PARD3B: variants seen among roughly 807,000 people sequenced by gnomAD.
The protein encoded by PARD3B is partitioning defective 3 homolog B.
In PARD3B, 103 loss-of-function variants were observed where a neutral mutation model predicts 130.2. The observed-to-expected ratio is 0.79, with a 90% CI of 0.67 to 0.93. PARD3B has a LOEUF of 0.93. Ranked by LOEUF, PARD3B falls within the 40% of genes least tolerant of loss-of-function variation. PARD3B has a pLI of 0.00. For synonymous variants in PARD3B, 583 were observed against 553.2 expected, an observed-to-expected ratio of 1.05 and a Z score of -0.76; for missense variants, 1,609 against 1,499.2, an observed-to-expected ratio of 1.07 and a Z score of -1.21.
intron 1 of PARD3B, among the ~76,000 whole-genome samples, chr2:204,683,894 C>G (rs1559056964): frequency 1.3e-5 from 2 of 152,104 alleles, no homozygotes; most frequent in Non-Finnish European, 2.9e-5. Flanking sequence ...TAGTTCTGAG[C>G]TCTTTTGAAT....
chr2:204,855,267 G>A (rs537172902), intron 2 of PARD3B, among the ~76,000 whole-genome samples: 48 of 152,014 alleles, frequency 3.2e-4, no homozygotes, highest in Non-Finnish European at 6.8e-4. Context: ...CATATCTGCC[G>A]GGCGTGGTGG....
At chr2:205,479,895 A>ATTTTTT (rs71032475) in intron 20 of PARD3B, among the ~76,000 whole-genome samples, 9 of 127,882 alleles carry the variant, frequency 7.0e-5, no homozygotes, top group East Asian at 4.9e-4. Context: ...GCCATATGCA[A>ATTTTTT]TTTTTTTTTT....
At chr2:205,594,515 G>A (rs970710342) in intron 22 of PARD3B, among the ~76,000 whole-genome samples, 1 of 152,092 alleles carries the variant, frequency 6.6e-6, no homozygotes, top group African/African-American at 2.4e-5. Context: ...AACCCAAATA[G>A]CTATAGGGGC....
intron 20 of PARD3B, among the ~76,000 whole-genome samples, chr2:205,445,448 A>G (rs554833766): frequency 2.6e-5 from 4 of 152,284 alleles, no homozygotes; most frequent in South Asian, 2.1e-4. Flanking sequence ...CAAACTTTCA[A>G]TCGTGGCAGA....
chr2:205,155,602 A>G (rs1481110970), intron 10 of PARD3B, among the ~76,000 whole-genome samples: 5 of 152,178 alleles, frequency 3.3e-5, no homozygotes, highest in Admixed American at 2.6e-4. Flanking sequence ...TCCACATCAT[A>G]GTTTATCTAT....
At position 205,380,523 on chromosome 2, in the gene PARD3B, A is replaced by ATATATACAG. The variant is rs2045321373; in HGVS notation, c.2631-20484_2631-20483insCAGTATATA. Among the ~76,000 whole-genome samples, 3 of 2,072 alleles carry ATATATACAG rather than the reference A, an allele frequency of 1.4e-3. 1 individual carries two copies. Among genetic ancestry groups the ATATATACAG allele is most frequent in the African/African-American group, 9.3e-3 (3 of 322 alleles). 1.4% of individuals were successfully genotyped at this position (2,072 alleles called of 152,430 possible). On this transcript the variant is annotated intron_variant, in intron 18 of 22. Transcript: ENST00000406610. ...ATATATTATATATAATATATAAAGA[A>ATATATACAG]TATATATTATATATAATATATAAAG... is the stretch of plus-strand genomic sequence containing the variant.
intron 18 of PARD3B, among the ~76,000 whole-genome samples, chr2:205,343,763 C>T (rs919447546): frequency 1.3e-5 from 2 of 151,862 alleles, no homozygotes; most frequent in African/African-American, 4.8e-5. Context: ...TCCCTCTGCC[C>T]CCTGCCTTCC....
At chr2:204,970,189 A>G (rs1242588445) in intron 3 of PARD3B, among the ~76,000 whole-genome samples, 1 of 152,122 alleles carries the variant, frequency 6.6e-6, no homozygotes, top group Non-Finnish European at 1.5e-5. Context: ...ACTGTTCCAT[A>G]AGAGGCTTTT....
chr2:205,287,417 C>G lies in PARD3B; in HGVS notation c.2186-13113C>G, dbSNP rs1381080518. On this transcript the variant is annotated intron_variant, in intron 16 of 22. Transcript: ENST00000406610. The surrounding 1 kb of genome is among the most constrained non-coding windows in gnomAD (Gnocchi z 4.8). ...TGCAGTTCTGGTTCCTCTCTTCAGA[C>G]TTGATTCTTACAGAAAAGCAAGATG... is the stretch of plus-strand genomic sequence containing the variant. 6.6e-6 allele frequency among the ~76,000 whole-genome samples: 1 copy of G among 152,204 alleles called. No homozygotes were observed. The highest frequency in any genetic ancestry group is 1.5e-5 in the Non-Finnish European group (1 of 68,044).
chr2:204,797,742 G>A (rs1051003791), intron 2 of PARD3B, among the ~76,000 whole-genome samples: 1 of 152,082 alleles, frequency 6.6e-6, no homozygotes, highest in South Asian at 2.1e-4. Flanking sequence ...TTTAAATGAC[G>A]TTTATTGCCA....
At chr2:205,613,714 A>G (rs1404038634) in intron 22 of PARD3B, among the ~76,000 whole-genome samples, 5 of 152,258 alleles carry the variant, frequency 3.3e-5, no homozygotes, top group Admixed American at 1.3e-4. Context: ...TCATTATTAT[A>G]CATAGCCAAA....
intron 2 of PARD3B, among the ~76,000 whole-genome samples, chr2:204,934,985 CTTA>C (rs1688303840): frequency 6.6e-6 from 1 of 152,038 alleles, no homozygotes; most frequent in African/African-American, 2.4e-5. Flanking sequence ...ACTGATAGAT[CTTA>C]TTATTTCTGC....
In PARD3B at chr2:204,755,064, C is replaced by T. The variant is rs112770586; in HGVS notation, c.222+68782C>T. ...TGTTGTGTTATTTAATTGCCTTGCA[C>T]GCAAAAAATGGACTGATTTCTCAAA... On this transcript the variant is annotated intron_variant, in intron 2 of 22. Transcript: ENST00000406610. 9.0e-3 allele frequency among the ~76,000 whole-genome samples: 1,375 copies of T among 152,000 alleles called. 22 individuals carry two copies. The highest frequency in any genetic ancestry group is 0.031 in the African/African-American group (1,304 of 41,482).
intron 1 of PARD3B, among the ~76,000 whole-genome samples, chr2:204,600,420 A>G (rs952122207): frequency 1.3e-5 from 2 of 151,372 alleles, no homozygotes; most frequent in African/African-American, 4.8e-5. Flanking sequence ...TATTGAAGAG[A>G]TTGTTCTTTC....
chr2:204,762,761 CT>C (rs5837937), intron 2 of PARD3B, among the ~76,000 whole-genome samples: 1,209 of 32,610 alleles, frequency 0.037, 7 homozygotes, highest in South Asian at 0.11. Context: ...TTTTCTTTTT[CT>C]TTTTTTTTTT....
At chr2:204,577,159 A>G (rs1283384387) in intron 1 of PARD3B, among the ~76,000 whole-genome samples, 1 of 152,234 alleles carries the variant, frequency 6.6e-6, no homozygotes. Flanking sequence ...ACAAATATTT[A>G]TAATATTGTG....
At position 204,673,189 on chromosome 2, in the gene PARD3B, C is replaced by A. The variant is rs2036387238; in HGVS notation, c.121-12992C>A. 6.6e-6 allele frequency among the ~76,000 whole-genome samples: 1 copy of A among 152,182 alleles called. No homozygotes were observed. Among genetic ancestry groups the A allele is most frequent in the South Asian group, 2.1e-4 (1 of 4,834 alleles). ...TTATGTGGCACATGCCCAGCCAATC[C>A]TGCTGTGCTGTACATCAGCAGTTTG... On this transcript the variant is annotated intron_variant, in intron 1 of 22. Transcript: ENST00000406610. This position sits in a 1 kb window ranked among gnomAD's most constrained non-coding sequence, Gnocchi z 4.7.
intron 2 of PARD3B, among the ~76,000 whole-genome samples, chr2:204,732,306 A>G (rs1023260958): frequency 2.1e-4 from 32 of 152,094 alleles, no homozygotes; most frequent in African/African-American, 7.7e-4. Flanking sequence ...TTGGACCTGG[A>G]GGGAGTGCTA....
intron 19 of PARD3B, among the ~76,000 whole-genome samples, chr2:205,434,880 T>A (rs2047456316): frequency 6.6e-6 from 1 of 151,398 alleles, no homozygotes; most frequent in East Asian, 1.9e-4. Flanking sequence ...GGAAATTTTT[T>A]ATATTTTTTA....
Sources: allele counts gnomAD v4.1 joint callset (sites outside exome capture counted in the v4.1 genomes callset), GRCh38; gene constraint gnomAD v4.1.1; non-coding constraint Gnocchi (gnomAD v3.1); transcripts MANE v1.5; gene names NCBI Gene and HGNC (gene_info 2026-07-23, HGNC 2026-07-21).